The following FOXP2 variants were observed in gnomAD, a reference collection of about 807,000 sequenced individuals.
FOXP2 encodes the protein forkhead box protein P2.
FOXP2 carries 12 observed loss-of-function variants against 115.8 expected under a neutral mutation model. That is an observed-to-expected ratio of 0.10 (90% CI 0.07 to 0.17). FOXP2 has a LOEUF of 0.17. Among genes scored for constraint, FOXP2 ranks in the 10% least tolerant of loss-of-function variants. FOXP2 has a pLI of 1.00. For missense variants in FOXP2, 629 were observed against 843.5 expected (o/e 0.75, Z 3.15); for synonymous variants, 328 against 297.7 (o/e 1.10, Z -1.05).
intron 2 of FOXP2, among the ~76,000 whole-genome samples, chr7:114,381,802 G>A (rs1194369095): frequency 6.6e-6 from 1 of 152,048 alleles, no homozygotes; most frequent in African/African-American, 2.4e-5. Flanking sequence ...GGGCTTTTAG[G>A]TCCTTTACAA....
chr7:114,187,211 T>C (rs1383181279), intron 1 of FOXP2, among the ~76,000 whole-genome samples: 1 of 152,210 alleles, frequency 6.6e-6, no homozygotes, highest in Non-Finnish European at 1.5e-5. Context: ...TTGTGTTCTT[T>C]CTTATTTAAT....
chr7:114,690,817 T>A lies in FOXP2; in HGVS notation c.*891T>A, dbSNP rs1260052050. The stretch of plus-strand genomic sequence containing the variant: ...CAGCCACATGCTTTGGTCAGCCTTC[T>A]GTAACTTCAATTAGTACAAAGGAAC... On this transcript the variant is annotated 3_prime_UTR_variant, in exon 17 of 17. Coordinates refer to ENST00000350908, the MANE Select transcript of FOXP2 (RefSeq NM_014491.4). The A allele has an allele frequency of 2.2e-6, 1 of 454,444 alleles. No individual in the cohort carries two copies. Among genetic ancestry groups the A allele is most frequent in the African/African-American group, 2.0e-5 (1 of 50,022 alleles). The allele number at this position is 454,444 out of a possible 1,614,324, so 28.2% of individuals were successfully genotyped here. A position where few individuals can be genotyped will look rare whatever the true frequency, so the allele number is the denominator to read the frequency against.
At position 114,199,412 on chromosome 7, in the gene FOXP2, GATAA is replaced by G. The variant is rs139433259; in HGVS notation, c.-102+36332_-102+36335del. Among the ~76,000 whole-genome samples the G allele has an allele frequency of 7.9e-3, 1,194 of 152,032 alleles. 22 individuals carry two copies. The highest frequency in any genetic ancestry group is 0.026 in the African/African-American group (1,098 of 41,490). On this transcript the variant is annotated intron_variant, in intron 1 of 17. Coordinates refer to the FOXP2 transcript ENST00000634411. ...AAATACATATATAAATGAATAAATT[GATAA>G]ATAAATACATGATGGTCAATACCAG...
intron 1 of FOXP2, among the ~76,000 whole-genome samples, chr7:114,191,885 G>C (rs1462483592): frequency 6.6e-6 from 1 of 152,082 alleles, no homozygotes; most frequent in African/African-American, 2.4e-5. Context: ...ATACAGAGAA[G>C]TTCCCCTCTG....
chr7:114,199,657 T>C (rs1794010611), intron 1 of FOXP2, among the ~76,000 whole-genome samples: 2 of 152,208 alleles, frequency 1.3e-5, no homozygotes, highest in African/African-American at 4.8e-5. Context: ...TTATGTTGAA[T>C]GTTTACATTG....
At chr7:114,271,966 A>C (rs925936603) in intron 1 of FOXP2, among the ~76,000 whole-genome samples, 2 of 132,864 alleles carry the variant, frequency 1.5e-5, no homozygotes, top group African/African-American at 5.6e-5. Context: ...TATATTAATT[A>C]TATATAATAT....
chr7:114,214,633 G>T (rs925354114), intron 1 of FOXP2, among the ~76,000 whole-genome samples: 1 of 152,146 alleles, frequency 6.6e-6, no homozygotes, highest in Non-Finnish European at 1.5e-5. Context: ...GGCTGGTGTG[G>T]AGGGCCACAG....
At chr7:114,188,598 C>T (rs186806131) in intron 1 of FOXP2, among the ~76,000 whole-genome samples, 8 of 152,120 alleles carry the variant, frequency 5.3e-5, no homozygotes, top group Admixed American at 2.6e-4. Flanking sequence ...CAAATCAATT[C>T]GCTTGTTTTG....
chr7:114,086,802 C>T (rs1009798551), upstream of FOXP2, among the ~76,000 whole-genome samples: 2 of 152,208 alleles, frequency 1.3e-5, no homozygotes, highest in Non-Finnish European at 2.9e-5. Flanking sequence ...TTGGGCTCGG[C>T]GTTGGGGTCG....
intron 1 of FOXP2, among the ~76,000 whole-genome samples, chr7:114,245,470 T>C (rs1264429300): frequency 3.3e-5 from 5 of 152,220 alleles, no homozygotes; most frequent in Non-Finnish European, 7.3e-5. Flanking sequence ...TCACAAAACA[T>C]ACTCACTTTT....
rs111961604 is a variant in FOXP2, at chr7:114,216,024, A to G, written c.-102+52936A>G. 5.9e-5 allele frequency among the ~76,000 whole-genome samples: 9 copies of G among 152,354 alleles called. No homozygotes were observed. In the South Asian group the frequency reaches 6.2e-4, roughly 11 times the overall value. ...CAGAGCTGGGCATTCACAATCCTCT[A>G]TCACAGAGGCAGGGACAAAAACAGG... On this transcript the variant is annotated intron_variant, in intron 1 of 17. Transcript: ENST00000634411.
chr7:114,643,835 T>A (rs1202596407), intron 7 of FOXP2, among the ~76,000 whole-genome samples: 1 of 152,202 alleles, frequency 6.6e-6, no homozygotes, highest in East Asian at 1.9e-4. Flanking sequence ...TGTAGTGGAC[T>A]GATAGTGTTC....
chr7:114,512,035 GATTAT>G (rs1798102715), intron 2 of FOXP2, among the ~76,000 whole-genome samples: 1 of 152,060 alleles, frequency 6.6e-6, no homozygotes, highest in African/African-American at 2.4e-5. Flanking sequence ...AGCTGGAAAT[GATTAT>G]ATTATTATAA....
chr7:114,640,135 G>C (rs899063923), intron 6 of FOXP2, among the ~76,000 whole-genome samples: 10 of 152,194 alleles, frequency 6.6e-5, no homozygotes, highest in Admixed American at 4.6e-4. Flanking sequence ...TCATGAAAAA[G>C]GATTTGCTAA....
intron 1 of FOXP2, among the ~76,000 whole-genome samples, chr7:114,115,702 A>G (rs1198431033): frequency 6.6e-6 from 1 of 152,034 alleles, no homozygotes; most frequent in Non-Finnish European, 1.5e-5. Flanking sequence ...GGTTCTCATA[A>G]CACCCTGTTC....
intron 1 of FOXP2, among the ~76,000 whole-genome samples, chr7:114,132,461 C>A (rs1791905079): frequency 6.6e-6 from 1 of 151,420 alleles, no homozygotes; most frequent in African/African-American, 2.4e-5. Flanking sequence ...TGAGGGGAAA[C>A]TGACAAATAA....
chr7:114,130,168 A>G (rs1791832526), intron 1 of FOXP2, among the ~76,000 whole-genome samples: 1 of 152,068 alleles, frequency 6.6e-6, no homozygotes, highest in Non-Finnish European at 1.5e-5. Context: ...TAAAAATAAA[A>G]TAAAATTAGC....
intron 2 of FOXP2, among the ~76,000 whole-genome samples, chr7:114,489,874 G>A (rs1375626149): frequency 6.6e-6 from 1 of 152,042 alleles, no homozygotes; most frequent in Non-Finnish European, 1.5e-5. Flanking sequence ...AAACAACAAC[G>A]AGATATTGCT....
intron 3 of FOXP2, among the ~76,000 whole-genome samples, chr7:114,579,829 A>C (rs962565656): frequency 2.6e-5 from 4 of 152,248 alleles, no homozygotes; most frequent in African/African-American, 9.6e-5. Flanking sequence ...CAGCATTTTC[A>C]GTAAAATGAT....
Sources: allele counts gnomAD v4.1 joint callset (sites outside exome capture counted in the v4.1 genomes callset), GRCh38; gene constraint gnomAD v4.1.1; transcripts MANE v1.5; gene names NCBI Gene and HGNC (gene_info 2026-07-23, HGNC 2026-07-21).